SKAP1: variants seen among roughly 807,000 people sequenced by gnomAD.
The protein encoded by SKAP1 is src kinase-associated phosphoprotein 1.
SKAP1 carries 44 observed loss-of-function variants against 58.5 expected under a neutral mutation model. The ratio of observed to expected loss-of-function variants is 0.75; its 90% CI spans 0.59 to 0.97. The LOEUF (loss-of-function observed/expected upper bound fraction) is 0.97, where lower values mean the gene tolerates loss of function less well. Ranked by LOEUF, SKAP1 falls within the 50% of genes least tolerant of loss-of-function variation. The probability of loss-of-function intolerance (pLI) is 0.00; values close to 1 mark genes in which losing one functional copy is unlikely to be tolerated. For missense variants in SKAP1, 390 were observed against 435.2 expected, an observed-to-expected ratio of 0.90 and a Z score of 0.92; for synonymous variants, 127 against 149.7, an observed-to-expected ratio of 0.85 and a Z score of 1.11.
chr17:48,363,457 T>C (rs1019925119), intron 3 of SKAP1, among the ~76,000 whole-genome samples: 2 of 152,190 alleles, frequency 1.3e-5, no homozygotes, highest in Non-Finnish European at 2.9e-5. Context: ...CCTCCCAAGG[T>C]TTTTATTATG....
chr17:48,428,119 A>G (rs2067873542), intron 1 of SKAP1, among the ~76,000 whole-genome samples: 1 of 152,210 alleles, frequency 6.6e-6, no homozygotes. Context: ...ACATTTTTCA[A>G]TAGAATTACT....
At chr17:48,177,286 TC>T (rs1335706301) in intron 9 of SKAP1, among the ~76,000 whole-genome samples, 9 of 152,166 alleles carry the variant, frequency 5.9e-5, no homozygotes, top group African/African-American at 2.2e-4. Flanking sequence ...AGGTAACACT[TC>T]CTGTTTAAAC....
At chr17:48,244,609 TA>T (rs1357192145) in intron 4 of SKAP1, among the ~76,000 whole-genome samples, 4 of 116,818 alleles carry the variant, frequency 3.4e-5, no homozygotes, top group Admixed American at 2.0e-4. Flanking sequence ...CAGCAAACAT[TA>T]ACAAATAGTT....
intron 4 of SKAP1, among the ~76,000 whole-genome samples, chr17:48,194,523 G>C (rs763354973): frequency 5.3e-5 from 8 of 151,988 alleles, no homozygotes; most frequent in Non-Finnish European, 1.2e-4. Context: ...AAGAGAATTG[G>C]AGAAATCAGT....
At chr17:48,381,060 G>T (rs1200855813) in intron 2 of SKAP1, among the ~76,000 whole-genome samples, 1 of 152,174 alleles carries the variant, frequency 6.6e-6, no homozygotes. Flanking sequence ...AAGGAGATTT[G>T]TCTTCCTTCT....
intron 11 of SKAP1, among the ~76,000 whole-genome samples, chr17:48,159,663 T>G (rs980901942): frequency 6.6e-6 from 1 of 152,194 alleles, no homozygotes; most frequent in African/African-American, 2.4e-5. Flanking sequence ...GAGGCACTAC[T>G]GAACTTCTGA....
chr17:48,155,537 C>T (rs1244226405), intron 11 of SKAP1, among the ~76,000 whole-genome samples: 1 of 152,118 alleles, frequency 6.6e-6, no homozygotes, highest in African/African-American at 2.4e-5. Context: ...ATAGAGGCTT[C>T]TTACCTCTTT....
intron 2 of SKAP1, among the ~76,000 whole-genome samples, chr17:48,388,725 G>T (rs758523307): frequency 1.3e-5 from 2 of 152,154 alleles, no homozygotes; most frequent in African/African-American, 2.4e-5. Context: ...ATCTTTGAAA[G>T]ATGCCACTTC....
At chr17:48,388,987 A>G (rs2067312251) in intron 2 of SKAP1, among the ~76,000 whole-genome samples, 1 of 152,234 alleles carries the variant, frequency 6.6e-6, no homozygotes, top group Non-Finnish European at 1.5e-5. Flanking sequence ...TGTGGCCATA[A>G]AGTTTTCTGT....
At chr17:48,381,230 C>T (rs1230005713) in intron 2 of SKAP1, among the ~76,000 whole-genome samples, 1 of 152,196 alleles carries the variant, frequency 6.6e-6, no homozygotes, top group Admixed American at 6.5e-5. Context: ...TCATGCTTTA[C>T]TCTTCCAAAC....
chr17:48,243,246 C>T (rs2143833104), intron 4 of SKAP1, among the ~76,000 whole-genome samples: 1 of 152,202 alleles, frequency 6.6e-6, no homozygotes, highest in East Asian at 1.9e-4. Context: ...AAGCCATCTC[C>T]CTCCCTGCCC....
intron 1 of SKAP1, among the ~76,000 whole-genome samples, chr17:48,405,445 CTTTCT>C (rs1171340674): frequency 0.047 from 3,083 of 65,788 alleles, 98 homozygotes; most frequent in Middle Eastern, 0.15. Flanking sequence ...TTCTTTCTTT[CTTTCT>C]TTTCTTTCTT....
intron 4 of SKAP1, among the ~76,000 whole-genome samples, chr17:48,247,929 T>G (rs1349085498): frequency 1.3e-5 from 2 of 152,368 alleles, no homozygotes; most frequent in East Asian, 3.9e-4. Flanking sequence ...TTTATTGGTT[T>G]AATTCTTTAT....
intron 4 of SKAP1, among the ~76,000 whole-genome samples, chr17:48,289,461 A>G (rs1414295549): frequency 6.6e-6 from 1 of 152,182 alleles, no homozygotes; most frequent in African/African-American, 2.4e-5. Context: ...ATTTCACAGC[A>G]TTATTTAAAT....
At chr17:48,238,139 G>A (rs1431029241) in intron 4 of SKAP1, among the ~76,000 whole-genome samples, 2 of 151,660 alleles carry the variant, frequency 1.3e-5, no homozygotes, top group African/African-American at 4.8e-5. Flanking sequence ...GATTACAGGC[G>A]CATGCCACCA....
chr17:48,333,536 T>A (rs2144276369), intron 4 of SKAP1, among the ~76,000 whole-genome samples: 1 of 152,140 alleles, frequency 6.6e-6, no homozygotes, highest in East Asian at 1.9e-4. Context: ...TTCTTTCATA[T>A]ACCTTTTTAT....
At chr17:48,433,374 G>T (rs1341358711), upstream of SKAP1, among the ~76,000 whole-genome samples, 2 of 152,164 alleles carry the variant, frequency 1.3e-5, no homozygotes, top group Non-Finnish European at 2.9e-5. Flanking sequence ...GTCCCTGCCT[G>T]GGTCCTGTTC....
intron 11 of SKAP1, among the ~76,000 whole-genome samples, chr17:48,138,205 ATTTC>A (rs1260002126): frequency 6.6e-6 from 1 of 151,376 alleles, no homozygotes; most frequent in African/African-American, 2.4e-5. Flanking sequence ...GTATGGGGCT[ATTTC>A]TTTTTTTTTT....
At chr17:48,411,186 G>A (rs1195593106) in intron 1 of SKAP1, among the ~76,000 whole-genome samples, 5 of 151,916 alleles carry the variant, frequency 3.3e-5, no homozygotes, top group Non-Finnish European at 7.4e-5. Flanking sequence ...GATCACTTGA[G>A]GTCAGGAGTT....
Sources: allele counts gnomAD v4.1 joint callset (sites outside exome capture counted in the v4.1 genomes callset), GRCh38; gene constraint gnomAD v4.1.1; transcripts MANE v1.5; gene names NCBI Gene and HGNC (gene_info 2026-07-23, HGNC 2026-07-21).